The following YES1 variants were observed in gnomAD, a reference collection of about 807,000 sequenced individuals.
YES1 encodes YES proto-oncogene 1, Src family tyrosine kinase.
YES1 carries 39 observed loss-of-function variants against 70.4 expected under a neutral mutation model. That is an observed-to-expected ratio of 0.55 (90% CI 0.43 to 0.72). The LOEUF is 0.72. Among genes scored for constraint, YES1 ranks in the 30% least tolerant of loss-of-function variants. The probability of loss-of-function intolerance (pLI) is 0.00; values close to 1 mark genes in which losing one functional copy is unlikely to be tolerated. For missense variants in YES1, 495 were observed against 644.8 expected (o/e 0.77, Z 2.52); for synonymous variants, 198 against 218.6 (o/e 0.91, Z 0.83).
intron 1 of YES1, among the ~76,000 whole-genome samples, chr18:798,893 T>C (rs981320000): frequency 2.6e-5 from 4 of 152,230 alleles, no homozygotes; most frequent in Admixed American, 2.6e-4. Flanking sequence ...CGAGATGACA[T>C]GACTCCTATC....
At position 753,403 on chromosome 18, in the gene YES1, T is replaced by G. The variant is rs114747150; in HGVS notation, c.272-1599A>C. Among the ~76,000 whole-genome samples, 642 of 152,328 alleles carry G rather than the reference T, an allele frequency of 4.2e-3. 3 individuals carry two copies. Among genetic ancestry groups the G allele is most frequent in the African/African-American group, 0.015 (613 of 41,568 alleles). ...TTGAACTTACTCCTCCTATCTAAAT[T>G]TTGTATCCTTTAGCCAACATATTTT... On this transcript the variant is annotated intron_variant, in intron 2 of 11. Transcript: ENST00000314574.
At chr18:787,874 T>C (rs555037126) in intron 1 of YES1, 1 of 152,186 alleles carries the variant, frequency 6.6e-6, no homozygotes, top group Non-Finnish European at 1.5e-5. Flanking sequence ...GATCGACATA[T>C]ATCAAATTAA....
chr18:755,682 T>C (rs56171861), intron 2 of YES1, among the ~76,000 whole-genome samples: 77 of 152,282 alleles, frequency 5.1e-4, no homozygotes, highest in Middle Eastern at 3.4e-3. Context: ...GATTTGATGC[T>C]GGCAGCTGTT....
chr18:729,371 T>A (rs1026597636), intron 11 of YES1, among the ~76,000 whole-genome samples: 7 of 151,900 alleles, frequency 4.6e-5, no homozygotes, highest in Non-Finnish European at 8.8e-5. Context: ...ACCAAGATCG[T>A]GCCACTGTAC....
chr18:765,247 A>AATATATAT lies in YES1; in HGVS notation c.-8-8413_-8-8412insATATATAT, dbSNP rs1568204656. On this transcript the variant is annotated intron_variant, in intron 1 of 11. Coordinates refer to ENST00000314574, the MANE Select transcript of YES1 (RefSeq NM_005433.4). ...TGGACAGGTTTGGGAAAGAGTTACAACTATATATATATATATATATATATA... is the reference window on the plus strand; with the variant it reads ...TGGACAGGTTTGGGAAAGAGTTACAAATATATATCTATATATATATATATATATATATA... Among the ~76,000 whole-genome samples, 20 of 62,390 alleles carry AATATATAT rather than the reference A, an allele frequency of 3.2e-4. 1 individual carries two copies. Among genetic ancestry groups the AATATATAT allele is most frequent in the African/African-American group, 1.1e-3 (20 of 17,744 alleles). 40.9% of individuals were successfully genotyped at this position (62,390 alleles called of 152,430 possible).
chr18:775,805 T>TA (rs111790871), intron 1 of YES1, among the ~76,000 whole-genome samples: 151 of 146,930 alleles, frequency 1.0e-3, no homozygotes, highest in Middle Eastern at 3.4e-3. Context: ...TCAAATAAAT[T>TA]AAAAAAAAAA....
At chr18:743,716 G>A (rs1412997611) in intron 6 of YES1, among the ~76,000 whole-genome samples, 1 of 151,896 alleles carries the variant, frequency 6.6e-6, no homozygotes, top group African/African-American at 2.4e-5. Flanking sequence ...GACTAGCCTG[G>A]CCAATACAGT....
rs555968905 is a variant in YES1 at position 797,741 on chromosome 18, C to T, written c.-9+14373G>A. ...AATCAAAGGCAACTTTCAGTGTCTGCATTTATTAACGTTCACCTTTTAAGA... is the reference window on the plus strand; with the variant it reads ...AATCAAAGGCAACTTTCAGTGTCTGTATTTATTAACGTTCACCTTTTAAGA... On this transcript the variant is annotated intron_variant, in intron 1 of 11. Coordinates refer to ENST00000314574, the MANE Select transcript of YES1 (RefSeq NM_005433.4). Among the ~76,000 whole-genome samples the T allele has an allele frequency of 5.3e-4, 80 of 152,282 alleles. 1 individual carries two copies. The highest frequency in any genetic ancestry group is 1.5e-3 in the African/African-American group (61 of 41,560).
At chr18:755,096 A>G (rs940570573) in intron 2 of YES1, among the ~76,000 whole-genome samples, 7 of 152,216 alleles carry the variant, frequency 4.6e-5, no homozygotes, top group African/African-American at 7.2e-5. Context: ...CTAAAAGTAA[A>G]CTTTTGCTAA....
At chr18:775,640 T>TA (rs1905341425) in intron 1 of YES1, among the ~76,000 whole-genome samples, 2 of 151,702 alleles carry the variant, frequency 1.3e-5, no homozygotes, top group Non-Finnish European at 2.9e-5. Flanking sequence ...CTACAAAAAG[T>TA]AAAAAAATTG....
Position 747,964 on chromosome 18 carries a change from G to C in YES1, c.426C>G (p.Ile142Met). Reference protein sequence around the residue: ...RSIATGKNGYIPSNYVAPADS... With the variant: ...RSIATGKNGYMPSNYVAPADS... ...CTGCAGGCGCTACATAATTGCTCGG[G>C]ATATAACCATTCTTTCCTGTAGCGA... The change falls in exon 4 of 12, where the codon ATC becomes ATG. Residue 142 changes from isoleucine (I) to methionine (M), a missense_variant. By Grantham distance (10) the Ile-to-Met change is conservative. This residue lies in a region of YES1 where 385 missense variants were observed against 540.9 expected (regional missense o/e 0.71). Transcript: ENST00000314574. 1 of 1,613,804 alleles carries C rather than the reference G, an allele frequency of 6.2e-7. No homozygotes were observed. The highest frequency in any genetic ancestry group is 8.5e-7 in the Non-Finnish European group (1 of 1,179,972).
intron 3 of YES1, among the ~76,000 whole-genome samples, chr18:750,721 C>T (rs761001547): frequency 3.8e-4 from 58 of 151,936 alleles, no homozygotes; most frequent in Non-Finnish European, 7.2e-4. Flanking sequence ...AAGGACTGGG[C>T]CAGGCAGGGG....
intron 10 of YES1, among the ~76,000 whole-genome samples, chr18:735,570 TGGGTGTGGTG>T (rs1207937639): frequency 1.3e-5 from 2 of 150,754 alleles, no homozygotes; most frequent in Admixed American, 6.6e-5. Context: ...AAAAATTAGC[TGGGTGTGGTG>T]GTACGAGCCT....
In YES1 at chr18:722,255, T is replaced by G. The variant is rs2079960791; in HGVS notation, c.*2169A>C. On this transcript the variant is annotated 3_prime_UTR_variant, in exon 12 of 12. Coordinates refer to ENST00000314574, the MANE Select transcript of YES1 (RefSeq NM_005433.4). ...AGAGGAAATAATGACAGCACTCTTC[T>G]TAGGAAGACCCTCTTGGTAGAGAGT... 1 of 152,650 alleles carries G rather than the reference T, an allele frequency of 6.6e-6. No individual in the cohort carries two copies. The highest frequency in any genetic ancestry group is 1.5e-5 in the Non-Finnish European group (1 of 68,044). The allele number at this position is 152,650 out of a possible 1,614,324, so 9.5% of individuals were successfully genotyped here. A position where few individuals can be genotyped will look rare whatever the true frequency, so the allele number is the denominator to read the frequency against.
At chr18:810,196 C>A (rs1447170319) in intron 1 of YES1, among the ~76,000 whole-genome samples, 1 of 152,190 alleles carries the variant, frequency 6.6e-6, no homozygotes, top group Non-Finnish European at 1.5e-5. Flanking sequence ...ATGCAAATTT[C>A]AACTTTGAAT....
At chr18:786,685 G>A (rs1320935774) in intron 1 of YES1, among the ~76,000 whole-genome samples, 1 of 152,088 alleles carries the variant, frequency 6.6e-6, no homozygotes, top group East Asian at 1.9e-4. Context: ...CTTGGAAATA[G>A]GAAACTAAGA....
chr18:759,529 C>G (rs937130702), intron 1 of YES1, among the ~76,000 whole-genome samples: 2 of 152,120 alleles, frequency 1.3e-5, no homozygotes, highest in African/African-American at 4.8e-5. Flanking sequence ...TCTTTTGTAT[C>G]TATGAGTTCT....
intron 9 of YES1, chr18:737,990 G>C (rs1452257754): frequency 6.6e-6 from 1 of 151,884 alleles, no homozygotes; most frequent in Non-Finnish European, 1.5e-5. Flanking sequence ...CATTTTTAAA[G>C]GGTTGTAAAA....
intron 1 of YES1, among the ~76,000 whole-genome samples, chr18:771,721 G>A (rs2145778926): frequency 6.6e-6 from 1 of 152,188 alleles, no homozygotes; most frequent in South Asian, 2.1e-4. Context: ...GCTAATTTTT[G>A]TACATTTTTG....
Sources: allele counts gnomAD v4.1 joint callset (sites outside exome capture counted in the v4.1 genomes callset), GRCh38; gene constraint gnomAD v4.1.1; regional missense constraint gnomAD v4.1.1; transcripts MANE v1.5; gene names NCBI Gene and HGNC (gene_info 2026-07-23, HGNC 2026-07-21).